The following KAT2B variants were observed in gnomAD, a reference collection of about 807,000 sequenced individuals.
The protein encoded by KAT2B is lysine acetyltransferase 2B.
Under a neutral mutation model 105.9 loss-of-function variants are expected in KAT2B, and 36 were observed. That is an observed-to-expected ratio of 0.34 (90% CI 0.26 to 0.45). The LOEUF (loss-of-function observed/expected upper bound fraction) is 0.45. Among genes scored for constraint, KAT2B ranks in the 20% least tolerant of loss-of-function variants. KAT2B has a pLI of 1.00. For synonymous variants in KAT2B, 397 were observed against 377.9 expected (o/e 1.05, Z -0.59); for missense variants, 820 against 1,021.6 (o/e 0.80, Z 2.69).
intron 1 of KAT2B, among the ~76,000 whole-genome samples, chr3:20,057,933 T>A (rs932565963): frequency 2.0e-5 from 3 of 152,170 alleles, no homozygotes; most frequent in African/African-American, 7.2e-5. Context: ...ACACAAGGAT[T>A]TCTTCCAGAC....
intron 11 of KAT2B, among the ~76,000 whole-genome samples, chr3:20,129,729 A>G (rs1295064421): frequency 6.6e-6 from 1 of 152,122 alleles, no homozygotes; most frequent in African/African-American, 2.4e-5. Flanking sequence ...ACACATCTCA[A>G]TTTAGACAAG....
At chr3:20,135,666 AT>A (rs1266225111) in intron 11 of KAT2B, among the ~76,000 whole-genome samples, 10 of 144,890 alleles carry the variant, frequency 6.9e-5, no homozygotes, top group African/African-American at 2.3e-4. Context: ...AAAAAAAAAA[AT>A]AAAAACCAAA....
intron 1 of KAT2B, among the ~76,000 whole-genome samples, chr3:20,044,424 A>C (rs910097983): frequency 3.9e-5 from 6 of 152,026 alleles, no homozygotes; most frequent in African/African-American, 1.4e-4. Context: ...CTAAAAAAAA[A>C]AATAAATAAA....
intron 3 of KAT2B, among the ~76,000 whole-genome samples, chr3:20,097,623 A>G (rs908836735): frequency 6.6e-6 from 1 of 152,060 alleles, no homozygotes; most frequent in African/African-American, 2.4e-5. Flanking sequence ...TGCAACCTCC[A>G]CCACCTGAGT....
chr3:20,080,403 A>G (rs576876118), intron 2 of KAT2B, among the ~76,000 whole-genome samples: 1 of 152,256 alleles, frequency 6.6e-6, no homozygotes, highest in South Asian at 2.1e-4. Context: ...TTATCCTCCA[A>G]GGCTTGACTG....
chr3:20,066,206 T>G (rs1398854334), intron 1 of KAT2B, among the ~76,000 whole-genome samples: 1 of 152,126 alleles, frequency 6.6e-6, no homozygotes, highest in East Asian at 1.9e-4. Context: ...AGCCTCTGCT[T>G]CTATCTTCAC....
intron 15 of KAT2B, 104 bp from the exon 16 acceptor site, chr3:20,148,139 A>G (rs1456678778): frequency 3.7e-6 from 5 of 1,352,212 alleles, no homozygotes; most frequent in Non-Finnish European, 4.2e-6. Context: ...ACATTCTGGA[A>G]TGGTTCCAAT....
At chr3:20,093,669 C>T (rs943960311) in intron 2 of KAT2B, among the ~76,000 whole-genome samples, 3 of 152,106 alleles carry the variant, frequency 2.0e-5, no homozygotes, top group East Asian at 3.9e-4. Context: ...TTTAAAAGAA[C>T]GAGGAAAAAT....
intron 1 of KAT2B, among the ~76,000 whole-genome samples, chr3:20,051,214 A>AC (rs1697910589): frequency 6.7e-6 from 1 of 149,290 alleles, no homozygotes; most frequent in African/African-American, 2.5e-5. Flanking sequence ...AAAAAAAAAA[A>AC]CCCAAACAAA....
At chr3:20,086,959 T>C (rs531457745) in intron 2 of KAT2B, among the ~76,000 whole-genome samples, 25 of 148,322 alleles carry the variant, frequency 1.7e-4, no homozygotes, top group African/African-American at 6.3e-4. Context: ...TTTTTATATT[T>C]TGAGTAGAGA....
At chr3:20,075,982 A>C (rs182891979) in intron 2 of KAT2B, among the ~76,000 whole-genome samples, 1 of 150,914 alleles carries the variant, frequency 6.6e-6, no homozygotes, top group Non-Finnish European at 1.5e-5. Flanking sequence ...TTGTAGATTG[A>C]TGGGTGGGGT....
Position 20,153,998 on chromosome 3 carries a change from C to T in KAT2B, c.*1473C>T, listed in dbSNP as rs1699910194. ...CAGAATGCTCACACTGAAAATGCCT[C>T]AACTTTTTAAAGTGTAAGAAACCAC... is the stretch of plus-strand genomic sequence containing the variant. On this transcript the variant is annotated 3_prime_UTR_variant, in exon 18 of 18. Coordinates refer to ENST00000263754, the MANE Select transcript of KAT2B (RefSeq NM_003884.5). 1 of 152,570 alleles carries T rather than the reference C, an allele frequency of 6.6e-6. No homozygotes were observed. Among genetic ancestry groups the T allele is most frequent in the East Asian group, 1.9e-4 (1 of 5,196 alleles). The allele number at this position is 152,570 out of a possible 1,614,324, so 9.5% of individuals were successfully genotyped here.
chr3:20,085,814 A>G (rs1260117392), intron 2 of KAT2B, among the ~76,000 whole-genome samples: 2 of 152,032 alleles, frequency 1.3e-5, no homozygotes, highest in East Asian at 1.9e-4. Flanking sequence ...CCCTGCCTAC[A>G]TGTAATTTTT....
intron 1 of KAT2B, among the ~76,000 whole-genome samples, chr3:20,052,821 C>T (rs182262607): frequency 2.0e-4 from 30 of 152,034 alleles, no homozygotes; most frequent in African/African-American, 4.8e-4. Context: ...AACAAAAAGA[C>T]GAAAATTAGC....
intron 1 of KAT2B, among the ~76,000 whole-genome samples, chr3:20,043,785 A>C (rs1167282124): frequency 6.6e-6 from 1 of 152,054 alleles, no homozygotes; most frequent in African/African-American, 2.4e-5. Flanking sequence ...TAAGAGAGCA[A>C]AATCTGTGGT....
chr3:20,109,507 G>T (rs1234595251), intron 5 of KAT2B, among the ~76,000 whole-genome samples: 2 of 152,020 alleles, frequency 1.3e-5, no homozygotes, highest in Non-Finnish European at 2.9e-5. Context: ...TGTAGAGATG[G>T]GCGTCTTACT....
At position 20,072,392 on chromosome 3, in the gene KAT2B, C is replaced by A. The variant is rs555906565; in HGVS notation, c.363C>A (p.Pro121=). 3.1e-5 allele frequency: 50 copies of A among 1,613,416 alleles called. No homozygotes were observed. The East Asian group carries it at 3.3e-4, about 11-fold the overall frequency. Reference sequence around the variant, plus strand: ...ACCCTAACCCCTCACCCACTCCCCCCAGAGCCGACCTGCAGCAAATAATTG... The same window carrying A: ...ACCCTAACCCCTCACCCACTCCCCCAAGAGCCGACCTGCAGCAAATAATTG... ...WKNPNPSPTP[P]RADLQQIIVS... Residue 121 remains proline (P), a synonymous_variant, in exon 2 of 18, where the codon CCC becomes CCA. Transcript: ENST00000263754.
Position 20,140,347 on chromosome 3 carries a change from A to G in KAT2B, c.1987A>G (p.Ile663Val). The G allele has an allele frequency of 1.2e-6, 2 of 1,613,856 alleles. No homozygotes were observed. The highest frequency in any genetic ancestry group is 8.5e-7 in the Non-Finnish European group (1 of 1,179,956). The change falls in exon 13 of 18, where the codon ATT (isoleucine) becomes GTT (valine). Residue 663 changes from isoleucine to valine, a missense_variant. Coordinates refer to ENST00000263754, the MANE Select transcript of KAT2B (RefSeq NM_003884.5). ...CCCGTACACAGAATTTTCTGTCATC[A>G]TTAAAAAGCAGAAGGAGGTAAGCAG... Reference protein sequence around the residue: ...RIPYTEFSVIIKKQKEIIKKL... With the variant: ...RIPYTEFSVIVKKQKEIIKKL...
At chr3:20,069,676 C>T (rs1228438116) in intron 1 of KAT2B, among the ~76,000 whole-genome samples, 1 of 151,872 alleles carries the variant, frequency 6.6e-6, no homozygotes, top group African/African-American at 2.4e-5. Context: ...CAGGTGGCTG[C>T]CACCATACCC....
Sources: gnomAD v4.1 joint callset for allele counts (sites outside exome capture counted in the v4.1 genomes callset) on GRCh38, gnomAD v4.1.1 for gene constraint, MANE v1.5 for transcripts, NCBI Gene and HGNC (gene_info 2026-07-23, HGNC 2026-07-21) for gene names.